SORCS2: variants seen among roughly 807,000 people sequenced by gnomAD.
The protein encoded by SORCS2 is sortilin related VPS10 domain containing receptor 2, also known as VPS10 domain-containing receptor SorCS2.
A neutral mutation model predicts 141.6 loss-of-function variants in SORCS2; 100 were observed. The ratio of observed to expected loss-of-function variants is 0.71; its 90% CI spans 0.60 to 0.83. The LOEUF (loss-of-function observed/expected upper bound fraction) is 0.83. Ranked by LOEUF, SORCS2 falls within the 40% of genes least tolerant of loss-of-function variation. SORCS2 has a pLI of 0.00. For synonymous variants in SORCS2, 789 were observed against 676.9 expected (o/e 1.17, Z -2.57); for missense variants, 1,646 against 1,560.2 (o/e 1.05, Z -0.93).
intron 1 of SORCS2, among the ~76,000 whole-genome samples, chr4:7,378,394 T>C (rs1049044518): frequency 4.1e-5 from 6 of 147,848 alleles, no homozygotes; most frequent in Non-Finnish European, 5.9e-5. Flanking sequence ...ATGATACAGT[T>C]CCACATGGCT....
At chr4:7,485,137 C>T (rs1730896480) in intron 2 of SORCS2, among the ~76,000 whole-genome samples, 1 of 152,204 alleles carries the variant, frequency 6.6e-6, no homozygotes, top group Non-Finnish European at 1.5e-5. Flanking sequence ...ACACGGCACA[C>T]ACTCCCACTT....
chr4:7,410,628 C>T (rs968729711), intron 2 of SORCS2, among the ~76,000 whole-genome samples: 1 of 152,206 alleles, frequency 6.6e-6, no homozygotes, highest in African/African-American at 2.4e-5. Context: ...ATTGGCTTTT[C>T]ACCAGCTGCA....
chr4:7,364,829 C>T (rs967947046), intron 1 of SORCS2, among the ~76,000 whole-genome samples: 12 of 152,306 alleles, frequency 7.9e-5, no homozygotes, highest in African/African-American at 2.6e-4. Flanking sequence ...ACAGAGTGCA[C>T]GGATGACAGA....
intron 1 of SORCS2, among the ~76,000 whole-genome samples, chr4:7,355,507 C>T (rs1462807210): frequency 6.6e-6 from 1 of 152,098 alleles, no homozygotes. Context: ...GGATCTCCTG[C>T]AGGTGGTGAC....
At chr4:7,490,873 C>G (rs1361618933) in intron 2 of SORCS2, among the ~76,000 whole-genome samples, 3 of 152,158 alleles carry the variant, frequency 2.0e-5, no homozygotes, top group Non-Finnish European at 2.9e-5. Context: ...TTCCTCTGTG[C>G]CCTCTGCCCA....
In SORCS2 at chr4:7,336,506, TAGCACCTTGGGTG is replaced by T. The variant is rs1255967174; in HGVS notation, c.481-59778_481-59766del. On this transcript the variant is annotated intron_variant, in intron 1 of 26. Coordinates refer to ENST00000507866, the MANE Select transcript of SORCS2 (RefSeq NM_020777.3). ...GTTCGCATCTTGGTGGAAGCGCCAG[TAGCACCTTGGGTG>T]AGCCGTGCCCAGAACAGATGGATGA... is the stretch of plus-strand genomic sequence containing the variant. Among the ~76,000 whole-genome samples, 43 of 116,504 alleles carry T rather than the reference TAGCACCTTGGGTG, an allele frequency of 3.7e-4. 3 individuals are homozygous for T. The highest frequency in any genetic ancestry group is 1.3e-3 in the African/African-American group (37 of 28,664). The allele number at this position is 116,504 out of a possible 152,430, so 76.4% of individuals were successfully genotyped here.
intron 1 of SORCS2, among the ~76,000 whole-genome samples, chr4:7,345,419 C>G (rs1257593265): frequency 6.6e-6 from 1 of 152,126 alleles, no homozygotes; most frequent in Non-Finnish European, 1.5e-5. Flanking sequence ...ACAAATGGTT[C>G]CATCAGTTTA....
chr4:7,731,336 G>C (rs1475235471), intron 23 of SORCS2, among the ~76,000 whole-genome samples: 1 of 152,164 alleles, frequency 6.6e-6, no homozygotes. Flanking sequence ...TCGACGGAAA[G>C]ATACCCTGTG....
chr4:7,554,999 A>G (rs953024998), intron 3 of SORCS2, among the ~76,000 whole-genome samples: 2 of 152,134 alleles, frequency 1.3e-5, no homozygotes, highest in Admixed American at 6.5e-5. Flanking sequence ...TTGTGTCTGG[A>G]ATCAGCTGCT....
At chr4:7,718,547 A>G (rs1236375287) in intron 18 of SORCS2, among the ~76,000 whole-genome samples, 1 of 152,230 alleles carries the variant, frequency 6.6e-6, no homozygotes, top group Admixed American at 6.5e-5. Flanking sequence ...AAAGCCTGTA[A>G]TTATATTGAT....
chr4:7,582,703 C>G (rs937805000), intron 3 of SORCS2, among the ~76,000 whole-genome samples: 6 of 152,138 alleles, frequency 3.9e-5, no homozygotes, highest in African/African-American at 7.2e-5. Context: ...AATGAAGACC[C>G]CTGAGACATA....
intron 2 of SORCS2, among the ~76,000 whole-genome samples, chr4:7,454,138 A>G (rs1431534489): frequency 9.3e-5 from 4 of 43,102 alleles, no homozygotes; most frequent in African/African-American, 2.0e-4. Context: ...TGGGGTCAGG[A>G]GCTGTGTGTT....
intron 1 of SORCS2, among the ~76,000 whole-genome samples, chr4:7,303,557 C>T (rs567275608): frequency 2.0e-5 from 3 of 152,236 alleles, no homozygotes; most frequent in South Asian, 2.1e-4. Context: ...GCTTGAGTGA[C>T]GTAGGGCTTA....
At chr4:7,672,266 G>C (rs1193268661) in intron 8 of SORCS2, among the ~76,000 whole-genome samples, 2 of 152,170 alleles carry the variant, frequency 1.3e-5, no homozygotes, top group East Asian at 3.9e-4. Flanking sequence ...TCTTAAGAGA[G>C]AATCTTGAAA....
At chr4:7,708,708 G>T (rs951212768) in intron 14 of SORCS2, among the ~76,000 whole-genome samples, 1 of 152,182 alleles carries the variant, frequency 6.6e-6, no homozygotes, top group Non-Finnish European at 1.5e-5. Flanking sequence ...TGCATACTAC[G>T]GGCTGTTTTC....
At chr4:7,450,207 T>C (rs1475651255) in intron 2 of SORCS2, among the ~76,000 whole-genome samples, 1 of 152,182 alleles carries the variant, frequency 6.6e-6, no homozygotes, top group Admixed American at 6.5e-5. Flanking sequence ...GCAGGGTCTT[T>C]AAGGACCCCC....
intron 8 of SORCS2, among the ~76,000 whole-genome samples, chr4:7,672,588 C>A (rs1364733090): frequency 2.0e-5 from 3 of 152,174 alleles, no homozygotes. Context: ...ATAAACAATA[C>A]TATGTATATG....
intron 3 of SORCS2, among the ~76,000 whole-genome samples, chr4:7,610,557 C>T (rs1361503012): frequency 6.6e-6 from 1 of 152,198 alleles, no homozygotes; most frequent in East Asian, 1.9e-4. Context: ...ACAGCCGGGC[C>T]ATAGCTGAGG....
Position 7,648,239 on chromosome 4 carries a change from G to A in SORCS2, c.814-5895G>A, listed in dbSNP as rs1721208919. Among the ~76,000 whole-genome samples the A allele has an allele frequency of 6.6e-6, 1 of 152,194 alleles. No individual in the cohort carries two copies. The highest frequency in any genetic ancestry group is 1.5e-5 in the Non-Finnish European group (1 of 68,032). ...AAGACACGGAGGCTGGAGGAGCAGGGCTGGTTGAGAAAGGAGCCAGCTTCT... is the reference window on the plus strand; with the variant it reads ...AAGACACGGAGGCTGGAGGAGCAGGACTGGTTGAGAAAGGAGCCAGCTTCT... On this transcript the variant is annotated intron_variant, in intron 4 of 26. Coordinates refer to ENST00000507866, the MANE Select transcript of SORCS2 (RefSeq NM_020777.3). This position sits in a 1 kb window ranked among gnomAD's most constrained non-coding sequence, Gnocchi z 4.2.
Sources: allele counts gnomAD v4.1 joint callset (sites outside exome capture counted in the v4.1 genomes callset), GRCh38; gene constraint gnomAD v4.1.1; non-coding constraint Gnocchi (gnomAD v3.1); transcripts MANE v1.5; gene names NCBI Gene and HGNC (gene_info 2026-07-23, HGNC 2026-07-21).